PSMG2: variants seen among roughly 807,000 people sequenced by gnomAD.
The protein encoded by PSMG2 is proteasome assembly chaperone 2.
In PSMG2, 21 loss-of-function variants were observed where a neutral mutation model predicts 31.5. That is an observed-to-expected ratio of 0.67 (90% CI 0.47 to 0.96). PSMG2 has a LOEUF of 0.96. Ranked by LOEUF, PSMG2 falls within the 40% of genes least tolerant of loss-of-function variation. PSMG2 has a pLI of 0.00. For missense variants in PSMG2, 318 were observed against 321.2 expected (o/e 0.99, Z 0.08); for synonymous variants, 120 against 110.4 (o/e 1.09, Z -0.54).
At chr18:12,702,761 A>G, upstream of PSMG2, 1 of 588,426 alleles carries the variant, frequency 1.7e-6, no homozygotes, top group South Asian at 2.1e-5. Context: ...GTTTTCAAAC[A>G]GTGGCGGACA....
chr18:12,705,856 A>G (rs568474843), intron 1 of PSMG2, among the ~76,000 whole-genome samples: 37 of 152,198 alleles, frequency 2.4e-4, no homozygotes, highest in Admixed American at 2.4e-3. Context: ...AACCATGTAC[A>G]CACATCCTCA....
chr18:12,687,479 A>T (rs1158179778), intron 1 of PSMG2, among the ~76,000 whole-genome samples: 2 of 146,320 alleles, frequency 1.4e-5, no homozygotes, highest in Non-Finnish European at 3.0e-5. Flanking sequence ...TTTTTGAGAC[A>T]GAGTCTCGCT....
chr18:12,669,382 G>A (rs2038882777), intron 1 of PSMG2, among the ~76,000 whole-genome samples: 1 of 151,942 alleles, frequency 6.6e-6, no homozygotes, highest in African/African-American at 2.4e-5. Flanking sequence ...AAAGTGCTGG[G>A]ATTACAGGCA....
At chr18:12,702,924 C>G, upstream of PSMG2, 1 of 645,786 alleles carries the variant, frequency 1.5e-6, no homozygotes, top group South Asian at 2.2e-5. Context: ...CGCGGCCACC[C>G]GGCGGCCTCT....
At position 12,703,077 on chromosome 18, in the gene PSMG2, G is replaced by GT; in HGVS notation, c.-29dup. ...TGCCCTCGTTCTTGCCAGGGCCGCG[G>GT]TTAGTCCCTGCTGGCCACCCCACTG... is the stretch of plus-strand genomic sequence containing the variant. On this transcript the variant is annotated 5_prime_UTR_variant, in exon 1 of 7. Transcript: ENST00000317615. The GT allele has an allele frequency of 2.5e-6, 4 of 1,608,096 alleles. No homozygotes were observed. The highest frequency in any genetic ancestry group is 3.4e-6 in the Non-Finnish European group (4 of 1,177,702).
intron 5 of PSMG2, among the ~76,000 whole-genome samples, chr18:12,723,774 C>G (rs149037334): frequency 2.3e-4 from 35 of 152,276 alleles, no homozygotes; most frequent in African/African-American, 8.4e-4. Context: ...CTGTTTTAAG[C>G]ATTTTGCCTC....
At chr18:12,700,777 A>C (rs1441008714), upstream of PSMG2, among the ~76,000 whole-genome samples, 1 of 152,184 alleles carries the variant, frequency 6.6e-6, no homozygotes, top group African/African-American at 2.4e-5. Context: ...TTGATACACA[A>C]AACTATTCAG....
At chr18:12,686,064 A>T in intron 1 of PSMG2, 1 of 461,114 alleles carries the variant, frequency 2.2e-6, no homozygotes, top group African/African-American at 2.0e-5. Context: ...TTTAATTTGT[A>T]CTATTTTTTA....
chr18:12,707,589 A>G (rs924611988), intron 2 of PSMG2, among the ~76,000 whole-genome samples: 3 of 152,198 alleles, frequency 2.0e-5, no homozygotes, highest in African/African-American at 7.2e-5. Context: ...TCATTGGACT[A>G]TCAGGCTTGA....
chr18:12,701,241 AAGCT>A (rs2040139804), upstream of PSMG2: 5 of 645,438 alleles, frequency 7.7e-6, no homozygotes, highest in African/African-American at 1.8e-5. Context: ...GAACAAAGGT[AAGCT>A]TTTAAAGAAT....
chr18:12,711,211 G>A (rs1410212382), intron 2 of PSMG2, among the ~76,000 whole-genome samples: 1 of 152,132 alleles, frequency 6.6e-6, no homozygotes, highest in Admixed American at 6.6e-5. Context: ...GGCAGAAGTT[G>A]GAGTGAGCCG....
rs2040344205 is a variant in PSMG2, at chr18:12,712,849, GT to G, written c.288+94del. 66 of 992,802 alleles carry G rather than the reference GT, an allele frequency of 6.6e-5. 1 individual carries two copies. The South Asian group carries it at 8.9e-4, about 13-fold the overall frequency. The allele number at this position is 992,802 out of a possible 1,614,324, so 61.5% of individuals were successfully genotyped here. A position where few individuals can be genotyped will look rare whatever the true frequency, so the allele number is the denominator to read the frequency against. ...GGATTAAGATTCAAAAATTACTACTGTTTTTACCATATGTACAGTTAAGATC... is the reference window on the plus strand; with the variant it reads ...GGATTAAGATTCAAAAATTACTACTGTTTTACCATATGTACAGTTAAGATC... On this transcript the variant is annotated intron_variant, in intron 3 of 6. Transcript: ENST00000317615.
At chr18:12,710,482 T>C (rs1170161058) in intron 2 of PSMG2, among the ~76,000 whole-genome samples, 1 of 152,178 alleles carries the variant, frequency 6.6e-6, no homozygotes, top group African/African-American at 2.4e-5. Flanking sequence ...AGACCCCTCA[T>C]ATATCCGATT....
intron 2 of PSMG2, among the ~76,000 whole-genome samples, chr18:12,712,359 G>A (rs1199024463): frequency 6.6e-6 from 1 of 152,110 alleles, no homozygotes; most frequent in Non-Finnish European, 1.5e-5. Context: ...AAGCCAAAAA[G>A]TTCAGTTTTC....
intron 1 of PSMG2, among the ~76,000 whole-genome samples, chr18:12,703,940 A>G (rs374892658): frequency 6.6e-6 from 1 of 152,186 alleles, no homozygotes; most frequent in Admixed American, 6.6e-5. Context: ...GGAATGACAC[A>G]TTGAGAGAGA....
chr18:12,674,899 T>A, intron 1 of PSMG2: 2 of 498,458 alleles, frequency 4.0e-6, no homozygotes, highest in Non-Finnish European at 6.8e-6. Flanking sequence ...ATTATAGGGA[T>A]ACATAGAAAT....
At chr18:12,676,365 C>T (rs1387058643) in intron 1 of PSMG2, among the ~76,000 whole-genome samples, 1 of 145,684 alleles carries the variant, frequency 6.9e-6, no homozygotes, top group Non-Finnish European at 1.5e-5. Context: ...CTCACTGCAA[C>T]CTCTGCCTCC....
At chr18:12,667,908 GA>G (rs1325099784) in intron 1 of PSMG2, among the ~76,000 whole-genome samples, 2 of 144,290 alleles carry the variant, frequency 1.4e-5, no homozygotes, top group Non-Finnish European at 1.5e-5. Flanking sequence ...AACAAAGGGG[GA>G]AAAAAACACG....
At chr18:12,716,764 C>T (rs1410351860) in intron 3 of PSMG2, among the ~76,000 whole-genome samples, 2 of 151,844 alleles carry the variant, frequency 1.3e-5, no homozygotes, top group African/African-American at 2.4e-5. Flanking sequence ...TTCTAAGTAC[C>T]TTATATTTAT....
Sources: allele counts gnomAD v4.1 joint callset (sites outside exome capture counted in the v4.1 genomes callset), GRCh38; gene constraint gnomAD v4.1.1; transcripts MANE v1.5; gene names NCBI Gene and HGNC (gene_info 2026-07-23, HGNC 2026-07-21).